The following PPARA variants were observed in gnomAD, a reference collection of about 807,000 sequenced individuals.
The protein encoded by PPARA is peroxisome proliferator activated receptor alpha, also known as peroxisome proliferator-activated receptor alpha.
Under a neutral mutation model 42.2 loss-of-function variants are expected in PPARA, and 22 were observed. That is an observed-to-expected ratio of 0.52 (90% CI 0.37 to 0.74). The LOEUF (loss-of-function observed/expected upper bound fraction) is 0.74, where lower values mean the gene tolerates loss of function less well. Among genes scored for constraint, PPARA ranks in the 30% least tolerant of loss-of-function variants. The pLI, the probability that PPARA is intolerant of heterozygous loss-of-function variation, is 0.00. For synonymous variants in PPARA, 242 were observed against 239.3 expected (o/e 1.01, Z -0.10); for missense variants, 465 against 608.2 (o/e 0.76, Z 2.48).
intron 2 of PPARA, among the ~76,000 whole-genome samples, chr22:46,172,550 G>A (rs1189469389): frequency 2.0e-5 from 3 of 152,116 alleles, no homozygotes; most frequent in Non-Finnish European, 2.9e-5. Flanking sequence ...CCTGGGAGGT[G>A]GATGTTGCTG....
At chr22:46,202,136 G>T (rs1187917162) in intron 4 of PPARA, among the ~76,000 whole-genome samples, 1 of 152,078 alleles carries the variant, frequency 6.6e-6, no homozygotes, top group Non-Finnish European at 1.5e-5. Flanking sequence ...CAGTGGCCAG[G>T]AGGGCTGCCC....
In PPARA at chr22:46,193,711, G is replaced by A. The variant is rs561404488; in HGVS notation, c.-42-4631G>A. Among the ~76,000 whole-genome samples, 93 of 152,284 alleles carry A rather than the reference G, an allele frequency of 6.1e-4. No homozygotes were observed. Among genetic ancestry groups the A allele is most frequent in the African/African-American group, 2.2e-3 (90 of 41,584 alleles). On this transcript the variant is annotated intron_variant, in intron 3 of 8. Coordinates refer to ENST00000407236, the MANE Select transcript of PPARA (RefSeq NM_005036.6). The surrounding 1 kb of genome is among the most constrained non-coding windows in gnomAD (Gnocchi z 5.3). ...ATGCAGAACCTCCCATCATTGCTGG[G>A]ACTGGAACAGAAGCCCTACCTTTTC...
At chr22:46,177,941 T>C (rs1929410313) in intron 3 of PPARA, among the ~76,000 whole-genome samples, 1 of 152,180 alleles carries the variant, frequency 6.6e-6, no homozygotes. Flanking sequence ...AAGGCATATC[T>C]TGAGGCTTTA....
chr22:46,206,389 A>G (rs4253716), intron 4 of PPARA, among the ~76,000 whole-genome samples: 3,867 of 152,304 alleles, frequency 0.025, 144 homozygotes, highest in African/African-American at 0.089. Flanking sequence ...TGCTGGGATT[A>G]TAGGCGTGAG....
At chr22:46,166,090 C>T (rs901466036) in intron 2 of PPARA, among the ~76,000 whole-genome samples, 2 of 152,214 alleles carry the variant, frequency 1.3e-5, no homozygotes, top group African/African-American at 4.8e-5. Context: ...ATGGTATATA[C>T]ACTGTGAGTG....
Position 46,221,169 on chromosome 22 carries a change from G to GAC in PPARA, c.711+1162_711+1163dup, listed in dbSNP as rs1934970475. ...TTGCATGGCAGGAGCAAAAACAAGAGACACACACTTTTCACCCATCAGATC... is the reference window on the plus strand; with the variant it reads ...TTGCATGGCAGGAGCAAAAACAAGAGACACACACACTTTTCACCCATCAGATC... On this transcript the variant is annotated intron_variant, in intron 7 of 8. Transcript: ENST00000407236. This position sits in a 1 kb window ranked among gnomAD's most constrained non-coding sequence, Gnocchi z 5.9. 6.6e-6 allele frequency among the ~76,000 whole-genome samples: 1 copy of GAC among 152,076 alleles called. No homozygotes were observed. Among genetic ancestry groups the GAC allele is most frequent in the Non-Finnish European group, 1.5e-5 (1 of 68,022 alleles).
At position 46,184,478 on chromosome 22, in the gene PPARA, G is replaced by T. The variant is rs1291262243; in HGVS notation, c.-43+7642G>T. Among the ~76,000 whole-genome samples, 1 of 152,138 alleles carries T rather than the reference G, an allele frequency of 6.6e-6. No individual in the cohort carries two copies. Among genetic ancestry groups the T allele is most frequent in the Non-Finnish European group, 1.5e-5 (1 of 68,036 alleles). ...TGATGGAGGGCTTCTCTGAATATAG[G>T]GCTATGGGGTCAGAAGCCAGTTTCC... is the stretch of plus-strand genomic sequence containing the variant. On this transcript the variant is annotated intron_variant, in intron 3 of 8. Transcript: ENST00000407236. This position sits in a 1 kb window ranked among gnomAD's most constrained non-coding sequence, Gnocchi z 4.4.
rs554253987 is a variant in PPARA at position 46,224,315 on chromosome 22, C to T, written c.711+4301C>T. ...TCTCTGCTTAGTCTGGGAAAAGGCC[C>T]CGTTGGCAGGATGCCCACCACCAGG... On this transcript the variant is annotated intron_variant, in intron 7 of 8. Coordinates refer to ENST00000407236, the MANE Select transcript of PPARA (RefSeq NM_005036.6). This position sits in a 1 kb window ranked among gnomAD's most constrained non-coding sequence, Gnocchi z 5.7. Among the ~76,000 whole-genome samples the T allele has an allele frequency of 1.3e-5, 2 of 152,294 alleles. 1 individual carries two copies. Among genetic ancestry groups the T allele is most frequent in the African/African-American group, 4.8e-5 (2 of 41,572 alleles).
chr22:46,177,248 A>C (rs1929276509), intron 3 of PPARA, among the ~76,000 whole-genome samples: 1 of 152,070 alleles, frequency 6.6e-6, no homozygotes, highest in South Asian at 2.1e-4. Flanking sequence ...TAATCTGTTT[A>C]ATAGCCTACT....
Position 46,240,078 on chromosome 22 carries a change from T to C in PPARA, c.*4698T>C. 2.5e-6 allele frequency: 1 copy of C among 398,604 alleles called. No homozygotes were observed. 24.7% of individuals were successfully genotyped at this position (398,604 alleles called of 1,614,324 possible). A position where few individuals can be genotyped will look rare whatever the true frequency, so the allele number is the denominator to read the frequency against. On this transcript the variant is annotated 3_prime_UTR_variant, in exon 9 of 9. Transcript: ENST00000407236. This position sits in a 1 kb window ranked among gnomAD's most constrained non-coding sequence, Gnocchi z 6.0. ...GCCTGGCCTTTGGTGGGGGGCTTCC[T>C]GGGGCCTGGGGAAAGCTGGCCACCT...
chr22:46,214,046 A>G (rs1228750275), intron 4 of PPARA, among the ~76,000 whole-genome samples: 1 of 152,212 alleles, frequency 6.6e-6, no homozygotes, highest in Admixed American at 6.5e-5. Context: ...ATTCCAACTT[A>G]TATTTTCTCT....
At position 46,220,368 on chromosome 22, in the gene PPARA, G is replaced by A. The variant is rs1000382145; in HGVS notation, c.711+354G>A. On this transcript the variant is annotated intron_variant, in intron 7 of 8. Transcript: ENST00000407236. ...CTTGCTCTGTTGCCCAGGCTGGAAT[G>A]CAGTGGTGCAATCATAGTTCACTGC... The A allele has an allele frequency of 1.1e-5, 4 of 350,086 alleles. No homozygotes were observed. In the Admixed American group the frequency reaches 1.2e-4, roughly 11 times the overall value. 21.7% of individuals were successfully genotyped at this position (350,086 alleles called of 1,614,324 possible).
At position 46,241,865 on chromosome 22, in the gene PPARA, A is replaced by G. The variant is rs181781384; in HGVS notation, c.*6485A>G. ...TATCATGTCTTGATGGACGCAGCTGATGACCTCAAATACTTGAGTGGTCTC... is the reference window on the plus strand; with the variant it reads ...TATCATGTCTTGATGGACGCAGCTGGTGACCTCAAATACTTGAGTGGTCTC... On this transcript the variant is annotated 3_prime_UTR_variant, in exon 9 of 9. Transcript: ENST00000407236. The surrounding 1 kb of genome is among the most constrained non-coding windows in gnomAD (Gnocchi z 5.7). The G allele has an allele frequency of 7.7e-4, 116 of 149,788 alleles. 1 individual carries two copies. Among genetic ancestry groups the G allele is most frequent in the African/African-American group, 2.8e-3 (114 of 40,638 alleles). The allele number at this position is 149,788 out of a possible 1,614,324, so 9.3% of individuals were successfully genotyped here.
rs766622395 is a variant in PPARA at position 46,193,227 on chromosome 22, T to C, written c.-42-5115T>C. ...GATTATGGGCACGCGCCACCACACC[T>C]GGCTAATGTTTGTATTTTTAGTAGG... On this transcript the variant is annotated intron_variant, in intron 3 of 8. Transcript: ENST00000407236. This position sits in a 1 kb window ranked among gnomAD's most constrained non-coding sequence, Gnocchi z 5.3. Among the ~76,000 whole-genome samples the C allele has an allele frequency of 7.9e-5, 12 of 152,048 alleles. No individual in the cohort carries two copies. Among genetic ancestry groups the C allele is most frequent in the Non-Finnish European group, 1.6e-4 (11 of 68,012 alleles).
In PPARA at chr22:46,188,686, A is replaced by G. The variant is rs543540930; in HGVS notation, c.-42-9656A>G. On this transcript the variant is annotated intron_variant, in intron 3 of 8. Coordinates refer to ENST00000407236, the MANE Select transcript of PPARA (RefSeq NM_005036.6). The surrounding 1 kb of genome is among the most constrained non-coding windows in gnomAD (Gnocchi z 5.0). The stretch of plus-strand genomic sequence containing the variant: ...GGGCCTGGCCCACGTGTGATGTTCA[A>G]TAATATTATTTCTCCTTGTTTTCCT... 6.6e-6 allele frequency: 1 copy of G among 152,354 alleles called. No homozygotes were observed. The highest frequency in any genetic ancestry group is 2.1e-4 in the South Asian group (1 of 4,828). The allele number at this position is 152,354 out of a possible 1,614,324, so 9.4% of individuals were successfully genotyped here.
rs1925382688 is a variant in PPARA, at chr22:46,156,896, C to A, written c.-127+4926C>A. On this transcript the variant is annotated intron_variant, in intron 2 of 8. Coordinates refer to ENST00000407236, the MANE Select transcript of PPARA (RefSeq NM_005036.6). This position sits in a 1 kb window ranked among gnomAD's most constrained non-coding sequence, Gnocchi z 5.2. Reference sequence around the variant, plus strand: ...GGATTACAGGCGTGAGCCACCACACCCGGCCTCCTGTGTGTTTTGAAGGTG... The same window carrying A: ...GGATTACAGGCGTGAGCCACCACACACGGCCTCCTGTGTGTTTTGAAGGTG... Among the ~76,000 whole-genome samples, 1 of 152,202 alleles carries A rather than the reference C, an allele frequency of 6.6e-6. No homozygotes were observed. The highest frequency in any genetic ancestry group is 2.1e-4 in the South Asian group (1 of 4,834).
Position 46,231,776 on chromosome 22 carries a change from G to T in PPARA, c.712-16G>T, listed in dbSNP as rs781095943. On this transcript the variant is annotated splice_polypyrimidine_tract_variant and intron_variant, in intron 7 of 8. Transcript: ENST00000407236. The surrounding 1 kb of genome is among the most constrained non-coding windows in gnomAD (Gnocchi z 7.7). ...ATCCCACATCACCTGACTTACCTTG[G>T]TGTCCTCCTTTGTAGCCTTTTGTCA... The T allele has an allele frequency of 3.1e-6, 5 of 1,610,570 alleles. No individual in the cohort carries two copies. Among genetic ancestry groups the T allele is most frequent in the Non-Finnish European group, 4.2e-6 (5 of 1,179,236 alleles).
At chr22:46,170,241 G>A (rs534508888) in intron 2 of PPARA, among the ~76,000 whole-genome samples, 1 of 151,048 alleles carries the variant, frequency 6.6e-6, no homozygotes, top group East Asian at 1.9e-4. Flanking sequence ...TGGCAGGGGG[G>A]TGGGAGTTGT....
At chr22:46,215,117 C>A in intron 4 of PPARA, 56 bp from the exon 5 acceptor site, 1 of 1,590,572 alleles carries the variant, frequency 6.3e-7, no homozygotes. Flanking sequence ...AGACCCGGTT[C>A]AGACACAGGA....
Sources: allele counts gnomAD v4.1 joint callset (sites outside exome capture counted in the v4.1 genomes callset), GRCh38; gene constraint gnomAD v4.1.1; non-coding constraint Gnocchi (gnomAD v3.1); transcripts MANE v1.5; gene names NCBI Gene and HGNC (gene_info 2026-07-23, HGNC 2026-07-21).